NKAIN3: variants seen among roughly 807,000 people sequenced by gnomAD.
NKAIN3 encodes the protein sodium/potassium transporting ATPase interacting 3.
In NKAIN3, 25 loss-of-function variants were observed where a neutral mutation model predicts 30.2. The observed-to-expected ratio is 0.83, with a 90% confidence interval of 0.60 to 1.16. NKAIN3 has a LOEUF of 1.16. Ranked by LOEUF, NKAIN3 falls within the 50% of genes most tolerant of loss-of-function variation. The probability of loss-of-function intolerance (pLI) is 0.00; values close to 1 mark genes in which losing one functional copy is unlikely to be tolerated. For synonymous variants in NKAIN3, 91 were observed against 89.6 expected (o/e 1.02, Z -0.09); for missense variants, 225 against 254.1 (o/e 0.89, Z 0.78).
intron 4 of NKAIN3, among the ~76,000 whole-genome samples, chr8:62,914,858 G>T (rs999942841): frequency 4.1e-5 from 6 of 144,926 alleles, no homozygotes; most frequent in African/African-American, 1.6e-4. Context: ...ACATAGGTAT[G>T]CATGTGCCAT....
At chr8:62,870,629 A>G (rs1293708984) in intron 4 of NKAIN3, among the ~76,000 whole-genome samples, 4 of 140,420 alleles carry the variant, frequency 2.8e-5, no homozygotes, top group East Asian at 2.0e-4. Context: ...TACAAAATAA[A>G]CTCTATTTTA....
intron 1 of NKAIN3, among the ~76,000 whole-genome samples, chr8:62,561,453 A>G (rs1452486822): frequency 6.6e-6 from 1 of 152,202 alleles, no homozygotes; most frequent in East Asian, 1.9e-4. Context: ...TGAATGAGGC[A>G]CAAATAAAAA....
intron 1 of NKAIN3, among the ~76,000 whole-genome samples, chr8:62,536,696 T>A (rs1372999236): frequency 6.6e-6 from 1 of 152,196 alleles, no homozygotes; most frequent in Admixed American, 6.5e-5. Context: ...TTTTTCTTGT[T>A]ACCTGAATTA....
chr8:62,663,912 T>C (rs1813021156), intron 3 of NKAIN3, among the ~76,000 whole-genome samples: 1 of 152,206 alleles, frequency 6.6e-6, no homozygotes, highest in Non-Finnish European at 1.5e-5. Flanking sequence ...AGGAGTTATA[T>C]GGAGCTTCCT....
At chr8:62,396,949 C>A (rs769261521) in intron 1 of NKAIN3, among the ~76,000 whole-genome samples, 1 of 152,098 alleles carries the variant, frequency 6.6e-6, no homozygotes, top group East Asian at 1.9e-4. Context: ...CTTGAGCGGG[C>A]AGTGATATAC....
intron 1 of NKAIN3, among the ~76,000 whole-genome samples, chr8:62,469,941 T>G (rs752749916): frequency 3.3e-5 from 5 of 152,226 alleles, no homozygotes; most frequent in Non-Finnish European, 7.3e-5. Context: ...ACAAAGTGTC[T>G]TCAGCAGAAT....
At chr8:62,406,572 C>A (rs1445692438) in intron 1 of NKAIN3, among the ~76,000 whole-genome samples, 2 of 152,100 alleles carry the variant, frequency 1.3e-5, no homozygotes, top group Non-Finnish European at 2.9e-5. Flanking sequence ...TGCTTTATCA[C>A]TGGACCTGAG....
intron 4 of NKAIN3, among the ~76,000 whole-genome samples, chr8:62,750,315 C>T (rs934421260): frequency 1.3e-5 from 2 of 152,040 alleles, no homozygotes; most frequent in Non-Finnish European, 2.9e-5. Flanking sequence ...CTTTGACCAC[C>T]GACACATCTC....
rs184052952 is a variant in NKAIN3 at position 62,765,499 on chromosome 8, G to A, written c.471+18370G>A. On this transcript the variant is annotated intron_variant, in intron 4 of 6. Transcript: ENST00000623646. ...CTAATCTAGAAAGGTGCTCTTTCTT[G>A]AGCAGATGTGGTAAATTCAGTTTTT... Among the ~76,000 whole-genome samples, 445 of 152,206 alleles carry A rather than the reference G, an allele frequency of 2.9e-3. 1 individual carries two copies. Among genetic ancestry groups the A allele is most frequent in the African/African-American group, 0.01 (423 of 41,530 alleles).
intron 5 of NKAIN3, among the ~76,000 whole-genome samples, chr8:62,932,704 A>G (rs983009379): frequency 1.3e-5 from 2 of 152,024 alleles, no homozygotes; most frequent in South Asian, 2.1e-4. Flanking sequence ...TTTTCAACCT[A>G]TTTCATACTT....
At chr8:62,947,372 T>C (rs1219067569) in intron 5 of NKAIN3, among the ~76,000 whole-genome samples, 11 of 152,208 alleles carry the variant, frequency 7.2e-5, no homozygotes, top group African/African-American at 9.7e-5. Context: ...AAGAATTAAA[T>C]TGATATATTT....
intron 3 of NKAIN3, among the ~76,000 whole-genome samples, chr8:62,647,139 C>T (rs1812484247): frequency 6.6e-6 from 1 of 152,140 alleles, no homozygotes; most frequent in South Asian, 2.1e-4. Flanking sequence ...TTTCTTAGAG[C>T]TATTCAATGA....
intron 4 of NKAIN3, among the ~76,000 whole-genome samples, chr8:62,911,459 C>A (rs1232823423): frequency 6.6e-6 from 1 of 152,172 alleles, no homozygotes; most frequent in Non-Finnish European, 1.5e-5. Context: ...ATCTAAATTT[C>A]TGTCTATAGG....
At chr8:62,954,446 A>G (rs1823367933) in intron 6 of NKAIN3, among the ~76,000 whole-genome samples, 1 of 152,180 alleles carries the variant, frequency 6.6e-6, no homozygotes, top group Non-Finnish European at 1.5e-5. Flanking sequence ...TGTGTATGAT[A>G]TATGTAAAGC....
At chr8:62,492,469 G>A (rs1313119463) in intron 1 of NKAIN3, among the ~76,000 whole-genome samples, 1 of 152,052 alleles carries the variant, frequency 6.6e-6, no homozygotes, top group African/African-American at 2.4e-5. Flanking sequence ...TGTTGCCTAT[G>A]TCCTACCTTA....
In NKAIN3 at chr8:62,976,354, G is replaced by C. The variant is rs1272185748; in HGVS notation, c.*10947G>C. 6.6e-6 allele frequency among the ~76,000 whole-genome samples: 1 copy of C among 152,104 alleles called. No homozygotes were observed. Among genetic ancestry groups the C allele is most frequent in the Non-Finnish European group, 1.5e-5 (1 of 68,024 alleles). ...GTAGGTCTCTAAGAACTTGCTTTAT[G>C]AATCTGGGTGCTCCACTATTAGGTG... On this transcript the variant is annotated 3_prime_UTR_variant, in exon 7 of 7. Transcript: ENST00000623646.
At chr8:62,843,198 G>A (rs1360549299) in intron 4 of NKAIN3, among the ~76,000 whole-genome samples, 2 of 151,770 alleles carry the variant, frequency 1.3e-5, no homozygotes, top group African/African-American at 4.8e-5. Flanking sequence ...AGTTTAAAGG[G>A]GACCCAGATG....
intron 4 of NKAIN3, among the ~76,000 whole-genome samples, chr8:62,805,834 G>A (rs923194959): frequency 6.6e-6 from 1 of 152,136 alleles, no homozygotes; most frequent in Non-Finnish European, 1.5e-5. Flanking sequence ...CTTCTGCACA[G>A]CAAAAGAAAC....
intron 6 of NKAIN3, among the ~76,000 whole-genome samples, chr8:62,963,951 T>C (rs888419036): frequency 1.6e-4 from 25 of 152,084 alleles, no homozygotes; most frequent in Non-Finnish European, 2.9e-5. Flanking sequence ...AACCAAAGAG[T>C]TCACTCCAAG....
Sources: gnomAD v4.1 joint callset for allele counts (sites outside exome capture counted in the v4.1 genomes callset) on GRCh38, gnomAD v4.1.1 for gene constraint, MANE v1.5 for transcripts, NCBI Gene and HGNC (gene_info 2026-07-23, HGNC 2026-07-21) for gene names.